Variants in TBC1D9 observed in about 807,000 individuals in gnomAD.
TBC1D9 encodes the protein TBC1 domain family member 9A.
In TBC1D9, 63 loss-of-function variants were observed where a neutral mutation model predicts 132.0. That is an observed-to-expected ratio of 0.48 (90% CI 0.39 to 0.59). The LOEUF (loss-of-function observed/expected upper bound fraction) is 0.59, where lower values mean the gene tolerates loss of function less well. Ranked by LOEUF, TBC1D9 falls within the 20% of genes least tolerant of loss-of-function variation. The pLI is 0.00. For missense variants in TBC1D9, 1,261 were observed against 1,592.7 expected (o/e 0.79, Z 3.54); for synonymous variants, 610 against 609.9 (o/e 1.00, Z 0.00).
chr4:140,650,625 C>T (rs1209936937), intron 13 of TBC1D9, among the ~76,000 whole-genome samples: 1 of 152,178 alleles, frequency 6.6e-6, no homozygotes, highest in Non-Finnish European at 1.5e-5. Flanking sequence ...CTCCGCCTCC[C>T]AGGTTCAATC....
At chr4:140,722,795 C>G (rs1738443565) in intron 1 of TBC1D9, among the ~76,000 whole-genome samples, 1 of 152,096 alleles carries the variant, frequency 6.6e-6, no homozygotes, top group South Asian at 2.1e-4. Context: ...TCTGAAATGT[C>G]ACTCTCACCC....
intron 13 of TBC1D9, chr4:140,642,171 G>A (rs1172427056): frequency 3.9e-6 from 3 of 768,420 alleles, no homozygotes; most frequent in African/African-American, 3.4e-5. Flanking sequence ...CAGGAGGGAA[G>A]GCATCAGTTT....
intron 18 of TBC1D9, among the ~76,000 whole-genome samples, chr4:140,625,746 T>G (rs1329384880): frequency 6.6e-6 from 1 of 152,226 alleles, no homozygotes; most frequent in Non-Finnish European, 1.5e-5. Flanking sequence ...CAAAGTAATA[T>G]TCTCACTGGA....
intron 1 of TBC1D9, among the ~76,000 whole-genome samples, chr4:140,749,299 G>T (rs1253806076): frequency 6.6e-6 from 1 of 151,518 alleles, no homozygotes; most frequent in Non-Finnish European, 1.5e-5. Flanking sequence ...ACCACTAAAA[G>T]AATAATAAAA....
rs1736839352 is a variant in TBC1D9 at position 140,634,116 on chromosome 4, A to G, written c.2578T>C (p.Tyr860His). The change falls in exon 16 of 21, where the codon TAC becomes CAC. Residue 860 changes from tyrosine to histidine, a missense_variant. Physicochemically the swap from Tyr to His is moderately conservative, Grantham distance 83. Transcript: ENST00000442267. ...AAGTCAATGCGATACTGTTCCAGGT[A>G]GGGCAGGCTGGGGTCATGCCGGTCC... ...ALDRHDPSLPYLEQYRIDFEQ... is the reference protein window; with the variant it reads ...ALDRHDPSLPHLEQYRIDFEQ... 2 of 1,613,914 alleles carry G rather than the reference A, an allele frequency of 1.2e-6. No individual in the cohort carries two copies. The highest frequency in any genetic ancestry group is 1.7e-5 in the Admixed American group (1 of 60,010).
intron 18 of TBC1D9, 30 bp downstream of exon 18, chr4:140,627,411 A>G (rs775681609): frequency 1.1e-5 from 15 of 1,403,676 alleles, no homozygotes; most frequent in Non-Finnish European, 1.5e-5. Context: ...GAAAACAAAT[A>G]TAGTATCTTT....
chr4:140,705,222 T>A (rs1738131966), intron 1 of TBC1D9, among the ~76,000 whole-genome samples: 2 of 152,362 alleles, frequency 1.3e-5, no homozygotes, highest in South Asian at 2.1e-4. Context: ...TGCTTGTCTG[T>A]CTGCTCTTGT....
chr4:140,755,056 C>A (rs1324918335), intron 1 of TBC1D9, among the ~76,000 whole-genome samples: 4 of 152,120 alleles, frequency 2.6e-5, no homozygotes, highest in Non-Finnish European at 4.4e-5. Context: ...TCTAGTGAAA[C>A]CTCTACTATT....
intron 1 of TBC1D9, among the ~76,000 whole-genome samples, chr4:140,704,815 A>T (rs1397741665): frequency 6.6e-6 from 1 of 152,206 alleles, no homozygotes; most frequent in Non-Finnish European, 1.5e-5. Context: ...AAGAAAACCC[A>T]GTTGCTTAAA....
chr4:140,719,745 T>C (rs895519705), intron 1 of TBC1D9, among the ~76,000 whole-genome samples: 1 of 152,184 alleles, frequency 6.6e-6, no homozygotes, highest in African/African-American at 2.4e-5. Context: ...GAATGGTCAT[T>C]TGCTCAGTCA....
At chr4:140,676,310 T>C (rs1737623449) in intron 6 of TBC1D9, among the ~76,000 whole-genome samples, 1 of 152,204 alleles carries the variant, frequency 6.6e-6, no homozygotes, top group South Asian at 2.1e-4. Context: ...GCTATTTCAA[T>C]AGCACTCATC....
At chr4:140,755,089 T>A (rs1005884831) in intron 1 of TBC1D9, among the ~76,000 whole-genome samples, 1 of 152,182 alleles carries the variant, frequency 6.6e-6, no homozygotes, top group Admixed American at 6.5e-5. Flanking sequence ...TTTTTCACTG[T>A]AAAAAGTATT....
At chr4:140,741,760 G>A (rs564486678) in intron 1 of TBC1D9, among the ~76,000 whole-genome samples, 1 of 152,222 alleles carries the variant, frequency 6.6e-6, no homozygotes, top group African/African-American at 2.4e-5. Context: ...CATCTTTCTC[G>A]CTAAAGCCTG....
At chr4:140,739,156 C>A (rs1738721414) in intron 1 of TBC1D9, among the ~76,000 whole-genome samples, 1 of 152,038 alleles carries the variant, frequency 6.6e-6, no homozygotes, top group Non-Finnish European at 1.5e-5. Flanking sequence ...GCCACCATGC[C>A]AACTGTGTAT....
At chr4:140,713,110 A>T (rs1441464991) in intron 1 of TBC1D9, among the ~76,000 whole-genome samples, 1 of 152,082 alleles carries the variant, frequency 6.6e-6, no homozygotes, top group Non-Finnish European at 1.5e-5. Flanking sequence ...TAATTTTTAA[A>T]TTTTTTTATA....
At chr4:140,643,547 T>C (rs2110982101) in intron 13 of TBC1D9, 1 of 877,342 alleles carries the variant, frequency 1.1e-6, no homozygotes, top group Non-Finnish European at 1.8e-6. Context: ...CGTCACAGTC[T>C]GACATTTCTA....
Position 140,627,431 on chromosome 4 carries a change from A to G in TBC1D9, c.2899+10T>C. 1 of 1,565,630 alleles carries G rather than the reference A, an allele frequency of 6.4e-7. No homozygotes were observed. The highest frequency in any genetic ancestry group is 8.8e-7 in the Non-Finnish European group (1 of 1,139,212). On this transcript the variant is annotated intron_variant, in intron 18 of 20. Transcript: ENST00000442267. ...CAAATATAGTATCTTTGGTGAGAAA[A>G]GTCACTTACCATGTGTACATTCTGG...
At position 140,659,604 on chromosome 4, in the gene TBC1D9, G is replaced by T. The variant is rs1417772635; in HGVS notation, c.1905C>A (p.Tyr635Ter). 6.3e-7 allele frequency: 1 copy of T among 1,597,584 alleles called. No homozygotes were observed. The highest frequency in any genetic ancestry group is 8.5e-7 in the Non-Finnish European group (1 of 1,171,716). The change falls in exon 11 of 21, where the codon TAC (tyrosine) becomes TAA (stop). Residue 635 changes from tyrosine to a stop codon, truncating the protein, a stop_gained. Transcript: ENST00000442267. LOFTEE classifies it high-confidence loss of function. ...TCCACTTACCCACAACTCTGGTGTT[G>T]TAGTAATCTGGGAGCATGCGCTCAC... ...ALCERMLPDY[Y>*]NTRVVGALVD...
At chr4:140,652,202 C>T (rs1737197050) in intron 13 of TBC1D9, among the ~76,000 whole-genome samples, 1 of 149,408 alleles carries the variant, frequency 6.7e-6, no homozygotes, top group Non-Finnish European at 1.5e-5. Flanking sequence ...GATCAAGCCA[C>T]TATACTCCAG....
Sources: allele counts gnomAD v4.1 joint callset (sites outside exome capture counted in the v4.1 genomes callset), GRCh38; gene constraint gnomAD v4.1.1; transcripts MANE v1.5; gene names NCBI Gene and HGNC (gene_info 2026-07-23, HGNC 2026-07-21).